The following CNIH3 variants were observed in gnomAD, a reference collection of about 807,000 sequenced individuals.
CNIH3 encodes protein cornichon homolog 3.
In CNIH3, 14 loss-of-function variants were observed where a neutral mutation model predicts 24.1. The ratio of observed to expected loss-of-function variants is 0.58; its 90% CI spans 0.38 to 0.91. CNIH3 has a LOEUF of 0.91. Among genes scored for constraint, CNIH3 ranks in the 40% least tolerant of loss-of-function variants. The probability of loss-of-function intolerance (pLI) is 0.00; values close to 1 mark genes in which losing one functional copy is unlikely to be tolerated. For synonymous variants in CNIH3, 68 were observed against 73.8 expected (o/e 0.92, Z 0.40); for missense variants, 178 against 196.8 (o/e 0.90, Z 0.57).
At chr1:224,494,890 T>C (rs1052263362) in intron 1 of CNIH3, among the ~76,000 whole-genome samples, 4 of 152,180 alleles carry the variant, frequency 2.6e-5, no homozygotes, top group Admixed American at 1.3e-4. Flanking sequence ...TTTGGAGGGT[T>C]GTTTTGAAAG....
Position 224,474,934 on chromosome 1 carries a change from A to G in CNIH3, n.203+40072A>G, listed in dbSNP as rs1676516059. Among the ~76,000 whole-genome samples the G allele has an allele frequency of 5.9e-5, 9 of 151,556 alleles. No homozygotes were observed. The South Asian group carries it at 1.9e-3, about 32-fold the overall frequency. On this transcript the variant is annotated intron_variant and non_coding_transcript_variant, in intron 1 of 5. Coordinates refer to the CNIH3 transcript ENST00000471578. ...TGGGCGGGCGCCTGTAGTCCCAGCT[A>G]CTTGGGAGGCTGAGGCAGGAGAATG...
chr1:224,522,591 A>G (rs1678682021), intron 2 of CNIH3, among the ~76,000 whole-genome samples: 2 of 152,268 alleles, frequency 1.3e-5, no homozygotes, highest in Non-Finnish European at 2.9e-5. Flanking sequence ...CAGTCAGTTC[A>G]ATAGAATAGT....
intron 1 of CNIH3, among the ~76,000 whole-genome samples, chr1:224,445,593 A>AG (rs1438814765): frequency 1.0e-3 from 152 of 149,250 alleles, no homozygotes; most frequent in African/African-American, 1.4e-3. Flanking sequence ...AAAAAAAAAA[A>AG]AAAGAAAGAT....
chr1:224,733,710 C>A (rs1689452194), intron 4 of CNIH3, among the ~76,000 whole-genome samples: 1 of 152,210 alleles, frequency 6.6e-6, no homozygotes, highest in African/African-American at 2.4e-5. Flanking sequence ...CACTCCTGGC[C>A]TCTGGGTGGC....
At position 224,435,465 on chromosome 1, in the gene CNIH3, C is replaced by G. The variant is rs114398077; in HGVS notation, n.203+603C>G. On this transcript the variant is annotated intron_variant and non_coding_transcript_variant, in intron 1 of 5. Transcript: ENST00000471578. ...CATATCTTATGGGGACAAGAAGTCA[C>G]AAAAAGGCTGTGTGGTGTGTAGAGA... Among the ~76,000 whole-genome samples the G allele has an allele frequency of 3.2e-3, 492 of 152,258 alleles. 3 individuals carry two copies. Among genetic ancestry groups the G allele is most frequent in the African/African-American group, 0.011 (469 of 41,556 alleles).
chr1:224,679,921 G>T (rs1572710405), intron 1 of CNIH3, among the ~76,000 whole-genome samples: 1 of 151,928 alleles, frequency 6.6e-6, no homozygotes, highest in Non-Finnish European at 1.5e-5. Context: ...TTTTTCTCCT[G>T]CCTCAGCCTC....
rs1191769413 is a variant in CNIH3 at position 224,574,624 on chromosome 1, G to T, written n.516+8360G>T. 14 of 855,958 alleles carry T rather than the reference G, an allele frequency of 1.6e-5. No homozygotes were observed. The Admixed American group carries it at 1.9e-4, about 11-fold the overall frequency. The allele number at this position is 855,958 out of a possible 1,614,324, so 53.0% of individuals were successfully genotyped here. On this transcript the variant is annotated intron_variant and non_coding_transcript_variant, in intron 4 of 5. Transcript: ENST00000471578. ...GGGGTGGCCATTCGGGAGAAGCTCA[G>T]GGAGCAGGTGGTGAAGTGTGAGGAG... is the stretch of plus-strand genomic sequence containing the variant.
chr1:224,683,468 G>A (rs4564105), intron 2 of CNIH3, among the ~76,000 whole-genome samples: 31,746 of 152,124 alleles, frequency 0.21, 3,878 homozygotes, highest in African/African-American at 0.34. Context: ...GAGCCCCCAA[G>A]GCAGCATTTC....
intron 3 of CNIH3, among the ~76,000 whole-genome samples, chr1:224,700,113 T>C (rs1348337547): frequency 2.0e-5 from 3 of 152,136 alleles, no homozygotes; most frequent in African/African-American, 4.8e-5. Flanking sequence ...TATAAGGTAG[T>C]TCTCCTGTCC....
intron 2 of CNIH3, among the ~76,000 whole-genome samples, chr1:224,534,705 C>G (rs1364641545): frequency 1.3e-5 from 2 of 152,174 alleles, no homozygotes; most frequent in Non-Finnish European, 2.9e-5. Context: ...ACAGGAGAGT[C>G]TAAACATAGC....
intron 3 of CNIH3, among the ~76,000 whole-genome samples, chr1:224,561,760 T>A (rs1002406296): frequency 9.2e-5 from 14 of 152,124 alleles, no homozygotes; most frequent in African/African-American, 3.4e-4. Context: ...CCCAAGTATC[T>A]CCCCCAACAA....
At chr1:224,475,075 A>C (rs1676527240) in intron 1 of CNIH3, among the ~76,000 whole-genome samples, 1 of 145,862 alleles carries the variant, frequency 6.9e-6, no homozygotes, top group African/African-American at 2.6e-5. Context: ...AAAGAAAATC[A>C]GAGGCTGGGC....
chr1:224,516,384 A>G (rs1678385323), intron 1 of CNIH3, among the ~76,000 whole-genome samples: 1 of 151,206 alleles, frequency 6.6e-6, no homozygotes, highest in East Asian at 1.9e-4. Flanking sequence ...TCACAGCTCA[A>G]CTTACCTTGC....
At chr1:224,666,211 C>T (rs898120657) in intron 1 of CNIH3, among the ~76,000 whole-genome samples, 1 of 152,136 alleles carries the variant, frequency 6.6e-6, no homozygotes, top group Non-Finnish European at 1.5e-5. Flanking sequence ...CCCCATGATG[C>T]CCTTTCCATG....
At chr1:224,485,961 C>CT (rs770729333) in intron 1 of CNIH3, among the ~76,000 whole-genome samples, 22 of 152,112 alleles carry the variant, frequency 1.4e-4, no homozygotes, top group Non-Finnish European at 2.9e-4. Flanking sequence ...GAATGCACAA[C>CT]TTTTTTTATC....
At chr1:224,461,842 A>G (rs568449965) in intron 1 of CNIH3, among the ~76,000 whole-genome samples, 3 of 152,254 alleles carry the variant, frequency 2.0e-5, no homozygotes, top group African/African-American at 7.2e-5. Flanking sequence ...CTAATCATGT[A>G]CTTTCTTTTT....
At chr1:224,483,466 G>T (rs968645945) in intron 1 of CNIH3, among the ~76,000 whole-genome samples, 3 of 151,166 alleles carry the variant, frequency 2.0e-5, no homozygotes, top group African/African-American at 7.3e-5. Flanking sequence ...TTGGCTCACC[G>T]CAACCTCCGC....
chr1:224,719,052 G>A (rs1208281497), intron 3 of CNIH3: 1 of 152,176 alleles, frequency 6.6e-6, no homozygotes, highest in Non-Finnish European at 1.5e-5. Flanking sequence ...ACTCATCCTG[G>A]CACCTCCAGT....
At chr1:224,666,180 C>A (rs962667368) in intron 1 of CNIH3, among the ~76,000 whole-genome samples, 1 of 152,176 alleles carries the variant, frequency 6.6e-6, no homozygotes, top group African/African-American at 2.4e-5. Context: ...AAGCCAGAAC[C>A]CAAACTCAGG....
Sources: allele counts gnomAD v4.1 joint callset (sites outside exome capture counted in the v4.1 genomes callset), GRCh38; gene constraint gnomAD v4.1.1; transcripts MANE v1.5; gene names NCBI Gene and HGNC (gene_info 2026-07-23, HGNC 2026-07-21).